ULK2: variants seen among roughly 807,000 people sequenced by gnomAD.
ULK2 encodes unc-51 like autophagy activating kinase 2.
In ULK2, 76 loss-of-function variants were observed where a neutral mutation model predicts 127.5. The observed-to-expected ratio is 0.60, with a 90% CI of 0.50 to 0.72. The LOEUF (loss-of-function observed/expected upper bound fraction) is 0.72, where lower values mean the gene tolerates loss of function less well. Ranked by LOEUF, ULK2 falls within the 30% of genes least tolerant of loss-of-function variation. The pLI, the probability that ULK2 is intolerant of heterozygous loss-of-function variation, is 0.00. For synonymous variants in ULK2, 452 were observed against 461.9 expected (o/e 0.98, Z 0.28); for missense variants, 1,144 against 1,295.9 (o/e 0.88, Z 1.80).
intron 10 of ULK2, among the ~76,000 whole-genome samples, chr17:19,830,274 A>G (rs1335703969): frequency 6.6e-6 from 1 of 152,068 alleles, no homozygotes; most frequent in Non-Finnish European, 1.5e-5. Context: ...CAATTAGCTC[A>G]TTGCAGCATC....
chr17:19,817,816 C>T (rs1039222365), intron 12 of ULK2, among the ~76,000 whole-genome samples: 7 of 152,168 alleles, frequency 4.6e-5, no homozygotes, highest in African/African-American at 1.7e-4. Flanking sequence ...ACTGCTGCTG[C>T]TCCTTTGAAT....
intron 7 of ULK2, 98 bp downstream of exon 7, chr17:19,845,206 T>C (rs937540075): frequency 2.8e-6 from 3 of 1,064,978 alleles, no homozygotes; most frequent in Non-Finnish European, 4.2e-6. Flanking sequence ...TTGGACTATA[T>C]GTAAAATCAC....
chr17:19,835,501 G>C lies in ULK2; in HGVS notation c.787+3000C>G, dbSNP rs545850773. Among the ~76,000 whole-genome samples the C allele has an allele frequency of 3.3e-5, 5 of 151,122 alleles. No homozygotes were observed. The East Asian group carries it at 1.0e-3, about 31-fold the overall frequency. The stretch of plus-strand genomic sequence containing the variant: ...GGAGGCCGAGGTGGGCGGATCACGA[G>C]GTCAGGAGATCGAAACCATCCTGGC... On this transcript the variant is annotated intron_variant, in intron 10 of 26. Transcript: ENST00000395544.
chr17:19,864,951 CTTATAT>C (rs988520936), intron 2 of ULK2, 107 bp from the exon 3 acceptor site: 3 of 395,540 alleles, frequency 7.6e-6, no homozygotes, highest in Non-Finnish European at 1.3e-5. Context: ...TAGTATTATA[CTTATAT>C]TAAGACTATA....
intron 5 of ULK2, 106 bp from the exon 6 acceptor site, chr17:19,847,016 G>A (rs1051731616): frequency 9.7e-7 from 1 of 1,029,820 alleles, no homozygotes; most frequent in African/African-American, 1.7e-5. Context: ...AAGGGAATGA[G>A]GAATTTGGAT....
intron 3 of ULK2, among the ~76,000 whole-genome samples, chr17:19,861,779 A>G (rs982674995): frequency 9.2e-5 from 14 of 152,342 alleles, no homozygotes; most frequent in African/African-American, 2.9e-4. Flanking sequence ...CTGAGAGATG[A>G]GTTTAGTTTT....
rs1268374780 is a variant in ULK2 at position 19,786,048 on chromosome 17, C to A, written c.2140G>T (p.Ala714Ser). Reference sequence around the variant, plus strand: ...GCCTTGGAACTTGCTGCTGTACCTGCAGGAGGTGCCAGAACACCACCACAG... The same window carrying A: ...GCCTTGGAACTTGCTGCTGTACCTGAAGGAGGTGCCAGAACACCACCACAG... ...GACGGVLAPP[A>S]GTAASSKAVL... is the part of the protein sequence containing the mutation. Residue 714 changes from alanine to serine, a missense_variant, in exon 21 of 27, where the codon GCA becomes TCA. Ala to Ser is a moderately conservative substitution (Grantham distance 99, BLOSUM62 1). This residue lies in a region of ULK2 where 913 missense variants were observed against 970.5 expected (regional missense o/e 0.94). Coordinates refer to ENST00000395544, the MANE Select transcript of ULK2 (RefSeq NM_014683.4). The A allele has an allele frequency of 6.4e-7, 1 of 1,572,176 alleles. No individual in the cohort carries two copies. The highest frequency in any genetic ancestry group is 8.6e-7 in the Non-Finnish European group (1 of 1,165,808).
At chr17:19,864,067 G>C (rs1280553072) in intron 3 of ULK2, among the ~76,000 whole-genome samples, 2 of 152,196 alleles carry the variant, frequency 1.3e-5, no homozygotes, top group Non-Finnish European at 2.9e-5. Flanking sequence ...AGCACTTTGA[G>C]AGGCTGAGGC....
chr17:19,781,140 T>C (rs2152381521), intron 23 of ULK2, 36 bp from the exon 24 acceptor site: 1 of 1,593,690 alleles, frequency 6.3e-7, no homozygotes, highest in East Asian at 2.2e-5. Flanking sequence ...GGTTATCTTG[T>C]GAACTAATGT....
intron 10 of ULK2, among the ~76,000 whole-genome samples, chr17:19,833,345 T>TAA (rs1412977782): frequency 7.1e-6 from 1 of 140,090 alleles, no homozygotes; most frequent in East Asian, 2.0e-4. Flanking sequence ...AACAAAGACT[T>TAA]TAAAGCAGTT....
In ULK2 at chr17:19,824,956, T is replaced by C. The variant is rs2041251385; in HGVS notation, c.924+138A>G. ...GCAGGTCCATTTGACCCAACTATCA[T>C]GTTCTTTCCCCCAAATCTCAGCTAC... On this transcript the variant is annotated intron_variant, in intron 12 of 26. Coordinates refer to ENST00000395544, the MANE Select transcript of ULK2 (RefSeq NM_014683.4). 13 of 837,424 alleles carry C rather than the reference T, an allele frequency of 1.6e-5. No individual in the cohort carries two copies. The South Asian group carries it at 1.8e-4, about 11-fold the overall frequency. The allele number at this position is 837,424 out of a possible 1,614,324, so 51.9% of individuals were successfully genotyped here. A position where few individuals can be genotyped will look rare whatever the true frequency, so the allele number is the denominator to read the frequency against.
Position 19,867,495 on chromosome 17 carries a change from C to A in ULK2, c.-78G>T, listed in dbSNP as rs536774979. The A allele has an allele frequency of 4.3e-6, 5 of 1,161,974 alleles. No homozygotes were observed. The East Asian group carries it at 1.0e-4, about 24-fold the overall frequency. The allele number at this position is 1,161,974 out of a possible 1,614,324, so 72.0% of individuals were successfully genotyped here. ...GGTATCAGCACCGCGGCTCCGCGGG[C>A]CCGGAGCGCGCCAGCGTGCGGCGGG... is the stretch of plus-strand genomic sequence containing the variant. On this transcript the variant is annotated 5_prime_UTR_variant, in exon 1 of 27. Transcript: ENST00000395544.
chr17:19,797,481 G>T lies in ULK2; in HGVS notation c.1724C>A (p.Pro575His). 6.2e-7 allele frequency: 1 copy of T among 1,613,956 alleles called. No individual in the cohort carries two copies. The highest frequency in any genetic ancestry group is 8.5e-7 in the Non-Finnish European group (1 of 1,179,994). The change falls in exon 18 of 27, where the codon CCC becomes CAC. Residue 575 changes from proline (P) to histidine (H), a missense_variant. Physicochemically the swap from Pro to His is moderately conservative, Grantham distance 77. This residue lies in a region of ULK2 where 913 missense variants were observed against 970.5 expected (regional missense o/e 0.94). Transcript: ENST00000395544. The part of the protein sequence containing the change: ...PSRPGSLGTS[P>H]TKHLGSSPRS... ...TGGAGAGGACCCCAAGTGCTTGGTG[G>T]GAGAAGTTCCAAGGCTGCCAGGCCG...
rs1392395938 is a variant in ULK2, at chr17:19,775,402, A to G, written c.*947T>C. The G allele has an allele frequency of 6.6e-6, 1 of 152,622 alleles. No homozygotes were observed. Among genetic ancestry groups the G allele is most frequent in the Admixed American group, 6.5e-5 (1 of 15,282 alleles). The allele number at this position is 152,622 out of a possible 1,614,324, so 9.5% of individuals were successfully genotyped here. A position where few individuals can be genotyped will look rare whatever the true frequency, so the allele number is the denominator to read the frequency against. ...TGTTTTGGCCCTATTCAAATTATCA[A>G]GAGTATCTCTTGATCCATGATTTTG... On this transcript the variant is annotated 3_prime_UTR_variant, in exon 27 of 27. Transcript: ENST00000395544.
chr17:19,839,010 G>A (rs1317846727), intron 9 of ULK2, among the ~76,000 whole-genome samples: 6 of 149,658 alleles, frequency 4.0e-5, no homozygotes, highest in Non-Finnish European at 5.9e-5. Flanking sequence ...CAGGCTGGGC[G>A]ACAGAGCAAG....
At chr17:19,795,151 G>A (rs992468713) in intron 20 of ULK2, among the ~76,000 whole-genome samples, 5 of 151,878 alleles carry the variant, frequency 3.3e-5, no homozygotes, top group African/African-American at 1.2e-4. Flanking sequence ...TCTCCATTTT[G>A]TTTTTGTTTT....
At chr17:19,827,969 G>C (rs1193613504) in intron 10 of ULK2, among the ~76,000 whole-genome samples, 1 of 149,862 alleles carries the variant, frequency 6.7e-6, no homozygotes, top group Non-Finnish European at 1.5e-5. Flanking sequence ...GACCCACACA[G>C]AGTTACAGAA....
intron 3 of ULK2, 40 bp from the exon 4 acceptor site, chr17:19,849,814 T>A: frequency 7.8e-7 from 1 of 1,278,928 alleles, no homozygotes; most frequent in Non-Finnish European, 1.1e-6. Flanking sequence ...AGAGAAAAAT[T>A]AAACACAAAA....
At chr17:19,808,434 ACCT>A (rs992419039) in intron 14 of ULK2, among the ~76,000 whole-genome samples, 49 of 152,290 alleles carry the variant, frequency 3.2e-4, no homozygotes, top group African/African-American at 1.1e-3. Context: ...CACAAATATG[ACCT>A]CCTCAAACTT....
Sources: gnomAD v4.1 joint callset for allele counts (sites outside exome capture counted in the v4.1 genomes callset) on GRCh38, gnomAD v4.1.1 for gene constraint, gnomAD v4.1.1 regional missense constraint, MANE v1.5 for transcripts, NCBI Gene and HGNC (gene_info 2026-07-23, HGNC 2026-07-21) for gene names.